MCC: variants seen among roughly 807,000 people sequenced by gnomAD.
MCC encodes the protein colorectal mutant cancer protein.
Under a neutral mutation model 116.2 loss-of-function variants are expected in MCC, and 90 were observed. The ratio of observed to expected loss-of-function variants is 0.77; its 90% CI spans 0.65 to 0.92. MCC has a LOEUF of 0.92. Ranked by LOEUF, MCC falls within the 40% of genes least tolerant of loss-of-function variation. The probability of loss-of-function intolerance (pLI) is 0.00; values close to 1 mark genes in which losing one functional copy is unlikely to be tolerated. For missense variants in MCC, 1,516 were observed against 1,312.2 expected, an observed-to-expected ratio of 1.16 and a Z score of -2.40; for synonymous variants, 578 against 510.5, an observed-to-expected ratio of 1.13 and a Z score of -1.78.
chr5:113,150,506 G>A (rs1355035199), intron 4 of MCC, among the ~76,000 whole-genome samples: 1 of 151,640 alleles, frequency 6.6e-6, no homozygotes, highest in Non-Finnish European at 1.5e-5. Flanking sequence ...AAGAACGTTA[G>A]GAATTAGAAA....
chr5:113,339,408 AGTGTGTGTGTGTGTGT>A (rs60886614), intron 3 of MCC, among the ~76,000 whole-genome samples: 4 of 123,668 alleles, frequency 3.2e-5, no homozygotes, highest in African/African-American at 1.3e-4. Flanking sequence ...AGGCTTCCTT[AGTGTGTGTGTGTGTGT>A]GTGTGTGTGT....
intron 3 of MCC, among the ~76,000 whole-genome samples, chr5:113,307,269 C>T (rs796336733): frequency 6.6e-6 from 1 of 152,168 alleles, no homozygotes; most frequent in Admixed American, 6.5e-5. Context: ...ATTAGGTCTT[C>T]CAATCCATGA....
intron 3 of MCC, among the ~76,000 whole-genome samples, chr5:113,325,249 C>T (rs2150372666): frequency 6.6e-6 from 1 of 152,204 alleles, no homozygotes; most frequent in South Asian, 2.1e-4. Context: ...TTACCACAAA[C>T]TCTAACCAAT....
intron 2 of MCC, among the ~76,000 whole-genome samples, chr5:113,372,826 G>A (rs1431281247): frequency 6.6e-6 from 1 of 151,968 alleles, no homozygotes; most frequent in Non-Finnish European, 1.5e-5. Context: ...CAAAGTGATG[G>A]GATTATAAGC....
chr5:113,034,449 C>T (rs901559126), intron 17 of MCC, among the ~76,000 whole-genome samples: 9 of 152,116 alleles, frequency 5.9e-5, no homozygotes, highest in African/African-American at 1.4e-4. Flanking sequence ...AGGCCAGCAG[C>T]GGTACTCTGT....
chr5:113,294,352 C>A (rs758342774), intron 3 of MCC: 2 of 1,613,838 alleles, frequency 1.2e-6, no homozygotes, highest in Non-Finnish European at 1.7e-6. Flanking sequence ...GCCGAGGAGT[C>A]GTTTCCATAT....
chr5:113,356,845 A>T (rs1768426902), intron 2 of MCC, among the ~76,000 whole-genome samples: 1 of 152,234 alleles, frequency 6.6e-6, no homozygotes, highest in Non-Finnish European at 1.5e-5. Context: ...AGCTATTCAA[A>T]GTCCACCACA....
At chr5:113,244,424 T>C (rs900256874) in intron 3 of MCC, among the ~76,000 whole-genome samples, 1 of 152,248 alleles carries the variant, frequency 6.6e-6, no homozygotes, top group African/African-American at 2.4e-5. Context: ...TGTAATACTC[T>C]ATATAATCTC....
chr5:113,080,815 C>CAAAAAAAAAAA (rs1236332931), intron 11 of MCC, among the ~76,000 whole-genome samples: 1 of 110,762 alleles, frequency 9.0e-6, no homozygotes. Context: ...ACAACAACAA[C>CAAAAAAAAAAA]AAAAAAAAAA....
chr5:113,227,228 A>G (rs1488243101), intron 3 of MCC, among the ~76,000 whole-genome samples: 1 of 152,206 alleles, frequency 6.6e-6, no homozygotes, highest in Non-Finnish European at 1.5e-5. Context: ...AGTTATCTCT[A>G]CCTATTATCC....
intron 16 of MCC, among the ~76,000 whole-genome samples, chr5:113,047,368 T>C (rs1044141853): frequency 6.6e-6 from 1 of 152,208 alleles, no homozygotes; most frequent in Admixed American, 6.5e-5. Flanking sequence ...AATGGATGAA[T>C]AAAAAGCAGC....
intron 3 of MCC, among the ~76,000 whole-genome samples, chr5:113,278,460 C>G (rs1765910020): frequency 1.3e-5 from 2 of 152,180 alleles, no homozygotes; most frequent in Non-Finnish European, 1.5e-5. Context: ...TGCGAACTAC[C>G]CAATGCAACG....
intron 5 of MCC, among the ~76,000 whole-genome samples, chr5:113,138,798 C>G (rs1759002189): frequency 1.3e-5 from 2 of 152,178 alleles, no homozygotes; most frequent in South Asian, 4.2e-4. Context: ...CCACTGCACA[C>G]TCTCCCTTAT....
chr5:113,104,475 A>T, intron 6 of MCC, 120 bp from the exon 7 acceptor site: 1 of 823,168 alleles, frequency 1.2e-6, no homozygotes, highest in Non-Finnish European at 1.8e-6. Context: ...TCAAAGTTCA[A>T]CACCAGCCAG....
At chr5:113,119,702 G>GA (rs549603247) in intron 6 of MCC, among the ~76,000 whole-genome samples, 235 of 143,912 alleles carry the variant, frequency 1.6e-3, no homozygotes, top group East Asian at 0.01. Context: ...CTGACTAAAT[G>GA]AAAAAAAAAA....
Position 113,068,134 on chromosome 5 carries a change from C to T in MCC, c.1975G>A (p.Glu659Lys). ...AACTGCCCCAGGATGAGGCTCTGCT[C>T]ACTCTCTGCCAGCGCCAGGAGGAGT... Reference protein sequence around the residue: ...YELLLALAESEQSLILGQFRA... With the variant: ...YELLLALAESKQSLILGQFRA... The change falls in exon 13 of 19, where the codon GAG (glutamate) becomes AAG (lysine). Residue 659 changes from glutamate to lysine, a missense_variant. Physicochemically the swap from Glu to Lys is moderately conservative, Grantham distance 56. Coordinates refer to ENST00000408903, the MANE Select transcript of MCC (RefSeq NM_001085377.2). The T allele has an allele frequency of 1.9e-6, 3 of 1,614,212 alleles. No homozygotes were observed. Among genetic ancestry groups the T allele is most frequent in the Non-Finnish European group, 2.5e-6 (3 of 1,180,038 alleles).
chr5:113,271,093 T>C (rs775774042), intron 3 of MCC, among the ~76,000 whole-genome samples: 2 of 152,216 alleles, frequency 1.3e-5, no homozygotes, highest in African/African-American at 2.4e-5. Context: ...AGTGAGCAAG[T>C]ATGTTCATGT....
chr5:113,038,408 G>A (rs769690670), intron 17 of MCC, among the ~76,000 whole-genome samples: 2 of 152,158 alleles, frequency 1.3e-5, no homozygotes, highest in Non-Finnish European at 2.9e-5. Flanking sequence ...GAGGGTTAAG[G>A]AGGGGAGTTG....
intron 1 of MCC, among the ~76,000 whole-genome samples, chr5:113,439,055 G>A (rs542390099): frequency 2.0e-5 from 3 of 152,278 alleles, no homozygotes; most frequent in African/African-American, 7.2e-5. Flanking sequence ...AGGACACCAG[G>A]AACATAACAA....
Sources: allele counts gnomAD v4.1 joint callset (sites outside exome capture counted in the v4.1 genomes callset), GRCh38; gene constraint gnomAD v4.1.1; transcripts MANE v1.5; gene names NCBI Gene and HGNC (gene_info 2026-07-23, HGNC 2026-07-21).